Variants in AKT3 observed in about 807,000 individuals in gnomAD.
AKT3 encodes the protein RAC-gamma serine/threonine-protein kinase.
AKT3 carries 15 observed loss-of-function variants against 65.3 expected under a neutral mutation model. That is an observed-to-expected ratio of 0.23 (90% confidence interval 0.15 to 0.35). The LOEUF (loss-of-function observed/expected upper bound fraction) is 0.35. Ranked by LOEUF, AKT3 falls within the 10% of genes least tolerant of loss-of-function variation. The pLI, the probability that AKT3 is intolerant of heterozygous loss-of-function variation, is 1.00. For missense variants in AKT3, 243 were observed against 576.5 expected (o/e 0.42, Z 5.92); for synonymous variants, 206 against 183.8 (o/e 1.12, Z -0.98).
chr1:243,691,440 C>T (rs530678620), intron 3 of AKT3, among the ~76,000 whole-genome samples: 3 of 152,120 alleles, frequency 2.0e-5, no homozygotes, highest in African/African-American at 4.8e-5. Context: ...TTGATACCCG[C>T]GTGAAGAAAG....
At chr1:243,641,719 G>C (rs961686255) in intron 5 of AKT3, among the ~76,000 whole-genome samples, 1 of 152,098 alleles carries the variant, frequency 6.6e-6, no homozygotes. Context: ...TGGATCACTT[G>C]AGTGCATGAG....
chr1:243,754,207 T>C (rs921552736), intron 2 of AKT3, among the ~76,000 whole-genome samples: 2 of 152,160 alleles, frequency 1.3e-5, no homozygotes, highest in Admixed American at 1.3e-4. Flanking sequence ...AAGGGAAACT[T>C]TGATTTGTTT....
chr1:243,784,135 A>G (rs1691094685), intron 2 of AKT3, among the ~76,000 whole-genome samples: 6 of 152,210 alleles, frequency 3.9e-5, no homozygotes, highest in Admixed American at 3.3e-4. Flanking sequence ...GAGGGAGAAA[A>G]GATACTTTAG....
chr1:243,490,321 G>T (rs190304655), intron 13 of AKT3, among the ~76,000 whole-genome samples: 2 of 152,328 alleles, frequency 1.3e-5, no homozygotes, highest in East Asian at 1.9e-4. Flanking sequence ...CAGGGACTGT[G>T]GGGGAGCGGG....
intron 2 of AKT3, among the ~76,000 whole-genome samples, chr1:243,829,875 G>A (rs145342143): frequency 2.0e-5 from 3 of 152,212 alleles, no homozygotes; most frequent in African/African-American, 4.8e-5. Flanking sequence ...GCCTTTAATC[G>A]CACCGAAGGC....
At chr1:243,729,504 T>C (rs1687414184) in intron 2 of AKT3, among the ~76,000 whole-genome samples, 1 of 152,142 alleles carries the variant, frequency 6.6e-6, no homozygotes, top group South Asian at 2.1e-4. Flanking sequence ...TCATAGATTA[T>C]AAAGAGACAT....
At chr1:243,846,101 C>T (rs1056699304) in intron 1 of AKT3, among the ~76,000 whole-genome samples, 12 of 152,136 alleles carry the variant, frequency 7.9e-5, no homozygotes, top group Non-Finnish European at 1.2e-4. Context: ...ATTATACATA[C>T]ATAGTTCATG....
intron 2 of AKT3, among the ~76,000 whole-genome samples, chr1:243,797,813 A>C (rs1023991446): frequency 6.6e-6 from 1 of 151,382 alleles, no homozygotes; most frequent in Non-Finnish European, 1.5e-5. Flanking sequence ...ACATAATCAA[A>C]TAGATCACTA....
rs543584215 is a variant in AKT3, at chr1:243,717,001, C to T, written c.47-21285G>A. Among the ~76,000 whole-genome samples the T allele has an allele frequency of 2.4e-3, 369 of 152,278 alleles. 2 individuals carry two copies. Among genetic ancestry groups the T allele is most frequent in the African/African-American group, 8.7e-3 (362 of 41,548 alleles). On this transcript the variant is annotated intron_variant, in intron 2 of 13. Transcript: ENST00000673466. ...CTTTTATCTTCTTCAGGGATTGTGT[C>T]AAGTCTGGCTTCTGTCCCTGGTCTC... is the stretch of plus-strand genomic sequence containing the variant.
chr1:243,805,500 G>C (rs1692667752), intron 2 of AKT3, among the ~76,000 whole-genome samples: 1 of 152,130 alleles, frequency 6.6e-6, no homozygotes, highest in Non-Finnish European at 1.5e-5. Flanking sequence ...TTTTTCAAAT[G>C]AATGGTTTAA....
chr1:243,527,936 CAGAGAG>C lies in AKT3; in HGVS notation c.1252-15516_1252-15511del, dbSNP rs141407272. On this transcript the variant is annotated intron_variant, in intron 12 of 13. Coordinates refer to ENST00000673466, the MANE Select transcript of AKT3 (RefSeq NM_005465.7). ...ACACACACACACACACACACACACA[CAGAGAG>C]AGAGAGAGAGAGAGAGAATTTGAGG... Among the ~76,000 whole-genome samples the C allele has an allele frequency of 9.1e-3, 346 of 38,210 alleles. 3 individuals carry two copies. Among genetic ancestry groups the C allele is most frequent in the African/African-American group, 0.012 (157 of 12,920 alleles). The allele number at this position is 38,210 out of a possible 152,430, so 25.1% of individuals were successfully genotyped here. A position where few individuals can be genotyped will look rare whatever the true frequency, so the allele number is the denominator to read the frequency against.
At chr1:243,664,923 T>TC in intron 3 of AKT3, 40 bp from the exon 4 acceptor site, 1 of 1,207,694 alleles carries the variant, frequency 8.3e-7, no homozygotes, top group Admixed American at 2.3e-5. Context: ...TATGGATATA[T>TC]TTAAAACAAG....
intron 2 of AKT3, among the ~76,000 whole-genome samples, chr1:243,831,700 T>C (rs1694521305): frequency 6.6e-6 from 1 of 152,038 alleles, no homozygotes; most frequent in Non-Finnish European, 1.5e-5. Context: ...AGTAGAGCAG[T>C]GAATAATATT....
chr1:243,516,329 G>A lies in AKT3; in HGVS notation c.1252-3903C>T, dbSNP rs149671897. 6.4e-4 allele frequency among the ~76,000 whole-genome samples: 98 copies of A among 152,282 alleles called. 1 individual carries two copies. The highest frequency in any genetic ancestry group is 2.2e-3 in the African/African-American group (90 of 41,552). Reference sequence around the variant, plus strand: ...CCATATTATCCACTTAATACCAATAGAATCTGTAGCAGTGTCAACATTTAT... The same window carrying A: ...CCATATTATCCACTTAATACCAATAAAATCTGTAGCAGTGTCAACATTTAT... On this transcript the variant is annotated intron_variant, in intron 12 of 13. Coordinates refer to ENST00000673466, the MANE Select transcript of AKT3 (RefSeq NM_005465.7).
intron 2 of AKT3, 61 bp downstream of exon 2, chr1:243,843,064 G>T: frequency 1.3e-6 from 2 of 1,551,466 alleles, no homozygotes; most frequent in Non-Finnish European, 1.8e-6. Flanking sequence ...CAACTTCTAA[G>T]ACACCACTCA....
At chr1:243,514,935 C>T (rs957429673) in intron 12 of AKT3, among the ~76,000 whole-genome samples, 2 of 152,214 alleles carry the variant, frequency 1.3e-5, no homozygotes, top group African/African-American at 2.4e-5. Flanking sequence ...CTTCAAATGT[C>T]TTCTTGTGCC....
chr1:243,840,507 GTAAAA>G (rs1171146875), intron 2 of AKT3, among the ~76,000 whole-genome samples: 3 of 152,072 alleles, frequency 2.0e-5, no homozygotes, highest in African/African-American at 4.8e-5. Context: ...AGAACTTAAA[GTAAAA>G]TAAAATAAAT....
intron 6 of AKT3, among the ~76,000 whole-genome samples, chr1:243,634,948 T>G (rs556867897): frequency 6.6e-6 from 1 of 152,028 alleles, no homozygotes; most frequent in East Asian, 1.9e-4. Flanking sequence ...ATAAAGCAAC[T>G]AAATCTAAGA....
intron 2 of AKT3, among the ~76,000 whole-genome samples, chr1:243,766,981 T>G (rs996929507): frequency 6.6e-6 from 1 of 152,102 alleles, no homozygotes; most frequent in Non-Finnish European, 1.5e-5. Flanking sequence ...GGCATACCCA[T>G]GGGGAAGTTT....
Sources: gnomAD v4.1 joint callset for allele counts (sites outside exome capture counted in the v4.1 genomes callset) on GRCh38, gnomAD v4.1.1 for gene constraint, MANE v1.5 for transcripts, NCBI Gene and HGNC (gene_info 2026-07-23, HGNC 2026-07-21) for gene names.